Variants in SIRPB2 observed in about 807,000 individuals in gnomAD.
The protein encoded by SIRPB2 is signal-regulatory protein beta-2.
In SIRPB2, 18 loss-of-function variants were observed where a neutral mutation model predicts 27.1. That is an observed-to-expected ratio of 0.66 (90% CI 0.46 to 0.98). The LOEUF (loss-of-function observed/expected upper bound fraction) is 0.98, where lower values mean the gene tolerates loss of function less well. SIRPB2 is among the 50% of genes least tolerant of loss of function. SIRPB2 has a pLI of 0.00. For synonymous variants in SIRPB2, 150 were observed against 164.6 expected (o/e 0.91, Z 0.68); for missense variants, 420 against 417.4 (o/e 1.01, Z -0.06).
chr20:1,473,571 A>G (rs1273790008), downstream of SIRPB2, among the ~76,000 whole-genome samples: 1 of 152,104 alleles, frequency 6.6e-6, no homozygotes, highest in East Asian at 1.9e-4. Context: ...AGAGTGATGG[A>G]GGTGCTTTTT....
At chr20:1,471,594 T>C (rs1484510836), downstream of SIRPB2, among the ~76,000 whole-genome samples, 1 of 152,214 alleles carries the variant, frequency 6.6e-6, no homozygotes, top group South Asian at 2.1e-4. Flanking sequence ...AGGCCTGGCA[T>C]TCCCCACTTT....
intron 1 of SIRPB2, 143 bp downstream of exon 1, chr20:1,491,132 C>T (rs1219216025): frequency 6.2e-6 from 4 of 646,394 alleles, no homozygotes; most frequent in African/African-American, 3.9e-5. Flanking sequence ...TGCCCTCTGC[C>T]GGAGTCAGGC....
At chr20:1,477,688 T>G (rs2090619852) in intron 3 of SIRPB2, among the ~76,000 whole-genome samples, 1 of 152,232 alleles carries the variant, frequency 6.6e-6, no homozygotes, top group South Asian at 2.1e-4. Flanking sequence ...TTACTATTAT[T>G]TTTTGAGACG....
chr20:1,472,889 C>T (rs569134119), downstream of SIRPB2: 6 of 152,354 alleles, frequency 3.9e-5, no homozygotes, highest in African/African-American at 1.4e-4. Flanking sequence ...TGCCTCAGGA[C>T]CTTTGCATTC....
chr20:1,479,285 C>G, intron 2 of SIRPB2: 2 of 202,506 alleles, frequency 9.9e-6, no homozygotes, highest in Non-Finnish European at 1.0e-5. Flanking sequence ...TGACTCTGTG[C>G]TTGTAATAGG....
rs1432488590 is a variant in SIRPB2 at position 1,474,998 on chromosome 20, G to A, written c.*1169C>T. The A allele has an allele frequency of 6.6e-6, 1 of 152,252 alleles. No individual in the cohort carries two copies. The highest frequency in any genetic ancestry group is 1.5e-5 in the Non-Finnish European group (1 of 68,102). 9.4% of individuals were successfully genotyped at this position (152,252 alleles called of 1,614,324 possible). ...GGAGGCAGAGGCCTCAGGGTTAAAGGCAGGTGTGTCTGACTCCTGGGCATG... is the reference window on the plus strand; with the variant it reads ...GGAGGCAGAGGCCTCAGGGTTAAAGACAGGTGTGTCTGACTCCTGGGCATG... On this transcript the variant is annotated 3_prime_UTR_variant, in exon 5 of 5. Transcript: ENST00000359801.
At position 1,475,864 on chromosome 20, in the gene SIRPB2, G is replaced by T; in HGVS notation, c.*303C>A. 1 of 290,182 alleles carries T rather than the reference G, an allele frequency of 3.4e-6. No homozygotes were observed. Among genetic ancestry groups the T allele is most frequent in the Non-Finnish European group, 6.5e-6 (1 of 154,370 alleles). The allele number at this position is 290,182 out of a possible 1,614,324, so 18.0% of individuals were successfully genotyped here. A position where few individuals can be genotyped will look rare whatever the true frequency, so the allele number is the denominator to read the frequency against. On this transcript the variant is annotated 3_prime_UTR_variant, in exon 5 of 5. Transcript: ENST00000359801. Reference sequence around the variant, plus strand: ...AGGCCAAGAAGGATGTAGCGAGGTGGGGAAAGGGGCAGGGCGCACCAGAAA... The same window carrying T: ...AGGCCAAGAAGGATGTAGCGAGGTGTGGAAAGGGGCAGGGCGCACCAGAAA...
Position 1,478,804 on chromosome 20 carries a change from T to C in SIRPB2, c.452-197A>G, listed in dbSNP as rs539452403. On this transcript the variant is annotated intron_variant, in intron 2 of 4. Transcript: ENST00000359801. ...TACCTACTACATACCAATGGTAGGA[T>C]TGGGGAACATGAAACTCAGGAAGAC... is the stretch of plus-strand genomic sequence containing the variant. Among the ~76,000 whole-genome samples the C allele has an allele frequency of 3.0e-4, 46 of 152,282 alleles. No homozygotes were observed. The South Asian group carries it at 6.2e-3, about 21-fold the overall frequency.
chr20:1,480,326 T>C (rs903325208), intron 1 of SIRPB2: 25 of 429,852 alleles, frequency 5.8e-5, no homozygotes, highest in Non-Finnish European at 2.5e-5. Context: ...TGATGTCACT[T>C]ATTCTTCACA....
intron 1 of SIRPB2, among the ~76,000 whole-genome samples, chr20:1,486,459 T>C (rs991623583): frequency 3.3e-5 from 5 of 152,060 alleles, no homozygotes; most frequent in Non-Finnish European, 5.9e-5. Context: ...ACTTTTCTAA[T>C]TATTCTATGA....
intron 1 of SIRPB2, among the ~76,000 whole-genome samples, chr20:1,481,332 G>A (rs1044032140): frequency 6.6e-6 from 1 of 151,946 alleles, no homozygotes; most frequent in Non-Finnish European, 1.5e-5. Flanking sequence ...CTCCATTTTC[G>A]AGATGAGAAA....
chr20:1,491,161 T>A, intron 1 of SIRPB2, 114 bp downstream of exon 1: 1 of 952,942 alleles, frequency 1.0e-6, no homozygotes, highest in Non-Finnish European at 1.5e-6. Context: ...AGTGGACCCC[T>A]CTTTACTCTA....
At chr20:1,488,569 G>C (rs2090748953) in intron 1 of SIRPB2, among the ~76,000 whole-genome samples, 1 of 152,010 alleles carries the variant, frequency 6.6e-6, no homozygotes, top group Admixed American at 6.6e-5. Context: ...GATCGCTTGA[G>C]CCAGGGAGAT....
chr20:1,474,179 C>G (rs1315703171), downstream of SIRPB2, among the ~76,000 whole-genome samples: 1 of 152,214 alleles, frequency 6.6e-6, no homozygotes, highest in Non-Finnish European at 1.5e-5. Flanking sequence ...ACCCCCATCT[C>G]AAGATTCTTA....
chr20:1,481,356 C>G (rs910042871), intron 1 of SIRPB2, among the ~76,000 whole-genome samples: 4 of 152,176 alleles, frequency 2.6e-5, no homozygotes, highest in Admixed American at 2.0e-4. Flanking sequence ...AACGAATGCT[C>G]ACAGTGGTAA....
At chr20:1,486,476 GT>G (rs146205712) in intron 1 of SIRPB2, among the ~76,000 whole-genome samples, 1,624 of 152,208 alleles carry the variant, frequency 0.011, 34 homozygotes, top group African/African-American at 0.038. Flanking sequence ...ATGAGTCCCA[GT>G]GTTATCTTGA....
chr20:1,478,530 A>G lies in SIRPB2; in HGVS notation c.529T>C (p.Phe177Leu). 1 of 1,613,772 alleles carries G rather than the reference A, an allele frequency of 6.2e-7. No homozygotes were observed. Among genetic ancestry groups the G allele is most frequent in the Non-Finnish European group, 8.5e-7 (1 of 1,179,834 alleles). ...LVLGTTGDTVFLNCTVLGDGP... is the reference protein window; with the variant it reads ...LVLGTTGDTVLLNCTVLGDGP... ...TCTCCAAGCACTGTGCAGTTCAGAA[A>G]GACAGTGTCTCCAGTGGTCCCCAAC... Residue 177 changes from phenylalanine to leucine, a missense_variant, in exon 3 of 5, where the codon TTT becomes CTT. By Grantham distance (22) the Phe-to-Leu change is conservative. Coordinates refer to ENST00000359801, the MANE Select transcript of SIRPB2 (RefSeq NM_001122962.2).
At chr20:1,478,153 A>T in intron 3 of SIRPB2, 113 bp downstream of exon 3, 1 of 999,956 alleles carries the variant, frequency 1.0e-6, no homozygotes, top group Non-Finnish European at 1.5e-6. Flanking sequence ...AGAGGGAAAA[A>T]CTTATGTAAA....
chr20:1,485,685 T>A (rs557782697), intron 1 of SIRPB2, among the ~76,000 whole-genome samples: 5 of 147,392 alleles, frequency 3.4e-5, no homozygotes, highest in Admixed American at 6.7e-5. Context: ...AAAAAATCAA[T>A]GAGAAGAAGA....
Sources: allele counts gnomAD v4.1 joint callset (sites outside exome capture counted in the v4.1 genomes callset), GRCh38; gene constraint gnomAD v4.1.1; transcripts MANE v1.5; gene names NCBI Gene and HGNC (gene_info 2026-07-23, HGNC 2026-07-21).